Variants in SLC24A2 observed in about 807,000 individuals in gnomAD.
SLC24A2 encodes sodium/potassium/calcium exchanger 2.
SLC24A2 carries 36 observed loss-of-function variants against 62.0 expected under a neutral mutation model. The ratio of observed to expected loss-of-function variants is 0.58; its 90% CI spans 0.44 to 0.77. SLC24A2 has a LOEUF of 0.77. Among genes scored for constraint, SLC24A2 ranks in the 30% least tolerant of loss-of-function variants. The pLI, the probability that SLC24A2 is intolerant of heterozygous loss-of-function variation, is 0.00. For missense variants in SLC24A2, 846 were observed against 817.9 expected, an observed-to-expected ratio of 1.03 and a Z score of -0.42; for synonymous variants, 358 against 294.0, an observed-to-expected ratio of 1.22 and a Z score of -2.23.
intron 8 of SLC24A2, among the ~76,000 whole-genome samples, chr9:19,544,291 T>G (rs576044745): frequency 7.1e-6 from 1 of 141,590 alleles, no homozygotes; most frequent in East Asian, 2.3e-4. Flanking sequence ...TTGGTAAATC[T>G]TCCTCCATCC....
At chr9:19,680,850 GTTGT>G (rs538024051) in intron 2 of SLC24A2, among the ~76,000 whole-genome samples, 1 of 106,364 alleles carries the variant, frequency 9.4e-6, no homozygotes, top group East Asian at 4.4e-4. Context: ...ATATACCAGA[GTTGT>G]GTGTGTGTGT....
At chr9:19,831,271 T>C in the SLC24A2 span, among the ~76,000 whole-genome samples, 1 of 152,188 alleles carries the variant, frequency 6.6e-6, no homozygotes, top group Non-Finnish European at 1.5e-5. Flanking sequence ...ACCTTATGCA[T>C]TGTAGTCTGG....
At chr9:20,277,515 T>C in the SLC24A2 span, among the ~76,000 whole-genome samples, 5 of 151,638 alleles carry the variant, frequency 3.3e-5, no homozygotes, top group African/African-American at 1.2e-4. Context: ...ATCAGAGAAA[T>C]GCAAATCAAA....
chr9:19,549,173 T>G (rs1213424178), intron 8 of SLC24A2, among the ~76,000 whole-genome samples: 1 of 152,184 alleles, frequency 6.6e-6, no homozygotes, highest in Non-Finnish European at 1.5e-5. Context: ...GTAAACATAG[T>G]CGATTAAAGT....
chr9:19,703,259 G>T (rs890986903), intron 2 of SLC24A2, among the ~76,000 whole-genome samples: 1 of 152,176 alleles, frequency 6.6e-6, no homozygotes, highest in Non-Finnish European at 1.5e-5. Context: ...AGATGATAAA[G>T]CTAGGGCTCA....
chr9:20,296,247 A>T, the SLC24A2 span, among the ~76,000 whole-genome samples: 1 of 152,262 alleles, frequency 6.6e-6, no homozygotes, highest in East Asian at 1.9e-4. Context: ...TCCAAACTCA[A>T]AGATGTGAAA....
At chr9:19,525,117 C>T (rs903504319) in intron 9 of SLC24A2, among the ~76,000 whole-genome samples, 1 of 152,112 alleles carries the variant, frequency 6.6e-6, no homozygotes, top group African/African-American at 2.4e-5. Context: ...AAAATAATGA[C>T]TCCAAGGCAC....
the SLC24A2 span, among the ~76,000 whole-genome samples, chr9:20,139,117 T>A: frequency 1.7e-3 from 254 of 152,300 alleles, 1 homozygote; most frequent in African/African-American, 5.8e-3. Flanking sequence ...TGCAAATACA[T>A]CTTTTTGGGT....
the SLC24A2 span, among the ~76,000 whole-genome samples, chr9:19,899,714 G>A: frequency 6.6e-6 from 1 of 152,180 alleles, no homozygotes; most frequent in Non-Finnish European, 1.5e-5. Context: ...CAGCATGGCT[G>A]GGGAGGCCTT....
At chr9:19,780,477 A>G (rs1361234514) in intron 2 of SLC24A2, among the ~76,000 whole-genome samples, 1 of 151,502 alleles carries the variant, frequency 6.6e-6, no homozygotes, top group Admixed American at 6.6e-5. Context: ...CATCTTGGCC[A>G]GGCTGGTTTT....
At chr9:20,220,280 C>CT in the SLC24A2 span, among the ~76,000 whole-genome samples, 1 of 152,264 alleles carries the variant, frequency 6.6e-6, no homozygotes, top group South Asian at 2.1e-4. Context: ...TTCCCAGACT[C>CT]TGACTACTTT....
At chr9:20,165,271 G>C in the SLC24A2 span, among the ~76,000 whole-genome samples, 206 of 151,856 alleles carry the variant, frequency 1.4e-3, 1 homozygote, top group African/African-American at 4.8e-3. Flanking sequence ...CAATAAAAAT[G>C]CTACAAATTT....
the SLC24A2 span, among the ~76,000 whole-genome samples, chr9:20,192,238 A>G: frequency 5.4e-3 from 816 of 152,302 alleles, 1 homozygote; most frequent in Non-Finnish European, 8.8e-3. Flanking sequence ...TGCAATGAGC[A>G]TGGTAGACAG....
chr9:19,932,582 C>T, the SLC24A2 span, among the ~76,000 whole-genome samples: 7 of 152,104 alleles, frequency 4.6e-5, no homozygotes, highest in Admixed American at 1.3e-4. Flanking sequence ...GGGTGACTCA[C>T]GGTTATGAGA....
At chr9:19,561,955 T>C (rs1457256991) in intron 7 of SLC24A2, among the ~76,000 whole-genome samples, 1 of 152,162 alleles carries the variant, frequency 6.6e-6, no homozygotes, top group Admixed American at 6.5e-5. Context: ...TTTCAAAATA[T>C]TTTGTTGTGA....
In SLC24A2 at chr9:19,746,108, C is replaced by T. The variant is rs576750078; in HGVS notation, c.930+39829G>A. On this transcript the variant is annotated intron_variant, in intron 2 of 10. Transcript: ENST00000341998. ...TCCTCCAATCTGTTTTTTTTTCTCT[C>T]TTTTTTTTTTTAAATGCACAAGTGC... Among the ~76,000 whole-genome samples the T allele has an allele frequency of 1.0e-3, 150 of 146,248 alleles. 1 individual carries two copies. The highest frequency in any genetic ancestry group is 3.5e-3 in the African/African-American group (140 of 40,216).
chr9:20,108,897 AAT>A, the SLC24A2 span, among the ~76,000 whole-genome samples: 2 of 152,174 alleles, frequency 1.3e-5, no homozygotes, highest in African/African-American at 4.8e-5. Context: ...TAATTTTTAA[AAT>A]AGTCATGTGC....
At chr9:19,562,910 G>A (rs1350452931) in intron 7 of SLC24A2, among the ~76,000 whole-genome samples, 1 of 152,130 alleles carries the variant, frequency 6.6e-6, no homozygotes, top group Non-Finnish European at 1.5e-5. Context: ...TTTGAGACCA[G>A]CCTGGGAAAC....
chr9:19,629,487 A>T (rs969930566), intron 2 of SLC24A2, among the ~76,000 whole-genome samples: 2 of 152,184 alleles, frequency 1.3e-5, no homozygotes, highest in Non-Finnish European at 2.9e-5. Flanking sequence ...TTCCAGCATC[A>T]TTACTTAGAA....
Sources: allele counts gnomAD v4.1 joint callset (sites outside exome capture counted in the v4.1 genomes callset), GRCh38; gene constraint gnomAD v4.1.1; transcripts MANE v1.5; gene names NCBI Gene and HGNC (gene_info 2026-07-23, HGNC 2026-07-21).